Variants in CAMTA1 observed in about 807,000 individuals in gnomAD.
The protein encoded by CAMTA1 is calmodulin binding transcription activator 1, also known as calmodulin-binding transcription activator 1.
CAMTA1 carries 27 observed loss-of-function variants against 170.9 expected under a neutral mutation model. The ratio of observed to expected loss-of-function variants is 0.16; its 90% CI spans 0.12 to 0.22. CAMTA1 has a LOEUF of 0.22. Among genes scored for constraint, CAMTA1 ranks in the 10% least tolerant of loss-of-function variants. The pLI is 1.00. For missense variants in CAMTA1, 1,619 were observed against 2,217.2 expected, an observed-to-expected ratio of 0.73 and a Z score of 5.42; for synonymous variants, 833 against 891.5, an observed-to-expected ratio of 0.93 and a Z score of 1.17.
intron 1 of CAMTA1, among the ~76,000 whole-genome samples, chr1:6,803,856 A>G (rs922858042): frequency 1.3e-5 from 2 of 152,140 alleles, no homozygotes; most frequent in African/African-American, 4.8e-5. Context: ...TTAGGAGTAC[A>G]GGCATGTATC....
intron 5 of CAMTA1, among the ~76,000 whole-genome samples, chr1:7,451,868 C>G (rs543468795): frequency 6.6e-6 from 1 of 152,176 alleles, no homozygotes; most frequent in African/African-American, 2.4e-5. Context: ...TCTGCTGGGC[C>G]GCGTGTGCAG....
At chr1:7,688,290 C>T (rs1471574125) in intron 11 of CAMTA1, among the ~76,000 whole-genome samples, 1 of 152,160 alleles carries the variant, frequency 6.6e-6, no homozygotes, top group African/African-American at 2.4e-5. Context: ...CAGGCGTGAG[C>T]CACCATGCCC....
intron 7 of CAMTA1, among the ~76,000 whole-genome samples, chr1:7,645,740 C>T (rs2095798587): frequency 6.6e-6 from 1 of 152,248 alleles, no homozygotes; most frequent in African/African-American, 2.4e-5. Context: ...GGCAGGTGTC[C>T]TCTGCAGCAC....
chr1:6,922,866 A>T (rs1001435082), intron 3 of CAMTA1, among the ~76,000 whole-genome samples: 1 of 152,110 alleles, frequency 6.6e-6, no homozygotes, highest in African/African-American at 2.4e-5. Context: ...GAGCGCTGGG[A>T]TCTTGGAACA....
At chr1:7,279,400 T>C (rs1265779858) in intron 5 of CAMTA1, among the ~76,000 whole-genome samples, 1 of 152,164 alleles carries the variant, frequency 6.6e-6, no homozygotes, top group East Asian at 1.9e-4. Flanking sequence ...GTGCTAACAT[T>C]CTGGGCCTCA....
intron 3 of CAMTA1, chr1:6,871,917 G>A: frequency 7.4e-7 from 1 of 1,343,346 alleles, no homozygotes; most frequent in Non-Finnish European, 9.5e-7. Flanking sequence ...CTTTCAAAGT[G>A]TAACACGCTG....
chr1:6,805,550 G>A lies in CAMTA1; in HGVS notation c.46-14631G>A, dbSNP rs573766213. On this transcript the variant is annotated intron_variant, in intron 1 of 22. Transcript: ENST00000303635. ...AGAGAGGGTCTCATTCTGTCACCCA[G>A]GCAGGAGTGTAGTGATGCAGTCATG... is the stretch of plus-strand genomic sequence containing the variant. Among the ~76,000 whole-genome samples, 8 of 152,296 alleles carry A rather than the reference G, an allele frequency of 5.3e-5. No individual in the cohort carries two copies. The East Asian group carries it at 1.5e-3, about 29-fold the overall frequency.
intron 4 of CAMTA1, among the ~76,000 whole-genome samples, chr1:7,153,412 A>G (rs962765651): frequency 1.3e-5 from 2 of 152,144 alleles, no homozygotes; most frequent in African/African-American, 2.4e-5. Flanking sequence ...CTCATTTGCA[A>G]GCGTTATTTG....
chr1:7,747,192 C>A (rs2096863106), intron 18 of CAMTA1, among the ~76,000 whole-genome samples: 1 of 152,094 alleles, frequency 6.6e-6, no homozygotes, highest in African/African-American at 2.4e-5. Context: ...GAGGTCGTGA[C>A]CTAAAGCAGG....
chr1:7,003,737 A>G (rs1205241889), intron 3 of CAMTA1, among the ~76,000 whole-genome samples: 1 of 152,234 alleles, frequency 6.6e-6, no homozygotes, highest in Non-Finnish European at 1.5e-5. Flanking sequence ...TAGAAAGAGT[A>G]ATGATTTTCA....
chr1:7,624,981 C>T (rs1382296104), intron 6 of CAMTA1, among the ~76,000 whole-genome samples: 1 of 152,158 alleles, frequency 6.6e-6, no homozygotes, highest in South Asian at 2.1e-4. Context: ...TTGGGAACAG[C>T]GTGGGCAGGG....
intron 10 of CAMTA1, among the ~76,000 whole-genome samples, chr1:7,671,483 G>A (rs555273437): frequency 1.3e-5 from 2 of 152,340 alleles, no homozygotes; most frequent in East Asian, 3.9e-4. Flanking sequence ...GGAGAGCCCA[G>A]GCAATGCAGC....
At chr1:7,725,035 C>T (rs902831252) in intron 11 of CAMTA1, among the ~76,000 whole-genome samples, 3 of 152,134 alleles carry the variant, frequency 2.0e-5, no homozygotes, top group Admixed American at 6.5e-5. Flanking sequence ...CAGGCTGAAA[C>T]TGCTGCTTCC....
At chr1:7,221,314 G>A (rs1177233630) in intron 4 of CAMTA1, among the ~76,000 whole-genome samples, 2 of 151,736 alleles carry the variant, frequency 1.3e-5, no homozygotes, top group South Asian at 2.1e-4. Context: ...TCAAGCACTT[G>A]ATGGGTATTG....
At position 7,545,153 on chromosome 1, in the gene CAMTA1, T is replaced by C. The variant is rs1173953981; in HGVS notation, c.510+77252T>C. ...CTTATGCCGTTATTTTTGTTTCTTC[T>C]TTGAATTTCCAATTCTCCCTTTCAC... On this transcript the variant is annotated intron_variant, in intron 6 of 22. Transcript: ENST00000303635. 2.6e-5 allele frequency among the ~76,000 whole-genome samples: 4 copies of C among 152,252 alleles called. No individual in the cohort carries two copies. The South Asian group carries it at 8.3e-4, about 31-fold the overall frequency.
intron 4 of CAMTA1, among the ~76,000 whole-genome samples, chr1:7,166,471 T>C (rs1648457004): frequency 6.6e-6 from 1 of 152,194 alleles, no homozygotes; most frequent in South Asian, 2.1e-4. Flanking sequence ...TGATTTATGG[T>C]CCCAACTACA....
chr1:7,252,554 CA>C (rs1666788282), intron 5 of CAMTA1, among the ~76,000 whole-genome samples: 1 of 152,206 alleles, frequency 6.6e-6, no homozygotes, highest in African/African-American at 2.4e-5. Flanking sequence ...GAAATTGCAA[CA>C]GGGATTTCCA....
At position 7,408,763 on chromosome 1, in the gene CAMTA1, G is replaced by A. The variant is rs111625168; in HGVS notation, c.439-59067G>A. Among the ~76,000 whole-genome samples the A allele has an allele frequency of 6.6e-3, 1,008 of 152,330 alleles. 11 individuals carry two copies. The highest frequency in any genetic ancestry group is 0.023 in the African/African-American group (941 of 41,586). On this transcript the variant is annotated intron_variant, in intron 5 of 22. Transcript: ENST00000303635. ...GCCTTGCTGGGCAAGCATCAGAGCC[G>A]AGAGGACAATGGTGATCATCTAGTT...
chr1:7,329,812 T>C (rs1483762166), intron 5 of CAMTA1, among the ~76,000 whole-genome samples: 1 of 152,222 alleles, frequency 6.6e-6, no homozygotes, highest in Non-Finnish European at 1.5e-5. Flanking sequence ...GATAATGAAA[T>C]GAAATCCCAT....
Sources: gnomAD v4.1 joint callset for allele counts (sites outside exome capture counted in the v4.1 genomes callset) on GRCh38, gnomAD v4.1.1 for gene constraint, MANE v1.5 for transcripts, NCBI Gene and HGNC (gene_info 2026-07-23, HGNC 2026-07-21) for gene names.